Variants in XKR6 observed in about 807,000 individuals in gnomAD.
The protein encoded by XKR6 is XK-related protein 6.
XKR6 carries 22 observed loss-of-function variants against 56.7 expected under a neutral mutation model. The ratio of observed to expected loss-of-function variants is 0.39; its 90% CI spans 0.28 to 0.55. XKR6 has a LOEUF of 0.55. XKR6 is among the 20% of genes least tolerant of loss of function. The pLI, the probability that XKR6 is intolerant of heterozygous loss-of-function variation, is 0.66. For synonymous variants in XKR6, 524 were observed against 387.8 expected (o/e 1.35, Z -4.13); for missense variants, 852 against 889.0 (o/e 0.96, Z 0.53).
chr8:10,993,608 T>C (rs982837073), intron 1 of XKR6, among the ~76,000 whole-genome samples: 1 of 152,138 alleles, frequency 6.6e-6, no homozygotes, highest in Non-Finnish European at 1.5e-5. Context: ...GAGGAGCTGG[T>C]ACTAAGCAGG....
intron 1 of XKR6, among the ~76,000 whole-genome samples, chr8:10,990,293 T>C (rs1461211061): frequency 6.6e-6 from 1 of 152,172 alleles, no homozygotes; most frequent in Non-Finnish European, 1.5e-5. Flanking sequence ...CTGTTACTCT[T>C]AGACCAGCAG....
chr8:11,089,893 C>G (rs568780291), intron 1 of XKR6, among the ~76,000 whole-genome samples: 1 of 152,216 alleles, frequency 6.6e-6, no homozygotes, highest in African/African-American at 2.4e-5. Flanking sequence ...TATACTTATT[C>G]ATATGCACAC....
chr8:11,026,671 G>A (rs964303991), intron 1 of XKR6, among the ~76,000 whole-genome samples: 340 of 122,376 alleles, frequency 2.8e-3, no homozygotes, highest in Middle Eastern at 0.018. Context: ...TCTTAATGGC[G>A]TTGCCTACTA....
chr8:11,159,423 C>T (rs567268745), intron 1 of XKR6, among the ~76,000 whole-genome samples: 3 of 152,312 alleles, frequency 2.0e-5, no homozygotes, highest in South Asian at 2.1e-4. Context: ...ACCTAGATCG[C>T]GAGAGAAAAG....
intron 1 of XKR6, among the ~76,000 whole-genome samples, chr8:11,115,068 G>T (rs1256580191): frequency 6.6e-6 from 1 of 152,116 alleles, no homozygotes; most frequent in Non-Finnish European, 1.5e-5. Flanking sequence ...TCTGGGCTAT[G>T]ATGCTAAGGA....
intron 1 of XKR6, among the ~76,000 whole-genome samples, chr8:11,069,986 G>T (rs781695214): frequency 6.6e-6 from 1 of 152,212 alleles, no homozygotes; most frequent in Non-Finnish European, 1.5e-5. Context: ...CCGCCCTTCT[G>T]CAGGCATTTC....
At chr8:11,144,529 C>T (rs1346282960) in intron 1 of XKR6, among the ~76,000 whole-genome samples, 3 of 151,880 alleles carry the variant, frequency 2.0e-5, no homozygotes, top group Admixed American at 6.6e-5. Context: ...CACAGGATGG[C>T]GCTAAGAGCT....
chr8:11,117,876 C>T (rs907827694), intron 1 of XKR6, among the ~76,000 whole-genome samples: 1 of 151,910 alleles, frequency 6.6e-6, no homozygotes, highest in African/African-American at 2.4e-5. Context: ...AAAACAAGAC[C>T]AATAAATACA....
intron 1 of XKR6, among the ~76,000 whole-genome samples, chr8:11,157,542 G>T (rs919632628): frequency 6.6e-6 from 1 of 152,026 alleles, no homozygotes; most frequent in Non-Finnish European, 1.5e-5. Context: ...TAGAGATGCA[G>T]TCTCTCTCTG....
rs376963725 is a variant in XKR6, at chr8:10,990,040, A to C, written c.765-65210T>G. The stretch of plus-strand genomic sequence containing the variant: ...GACACTGCTTCTGCGTGTGATCTAC[A>C]ATAGGTGGTCATTATCTCCCAGACA... On this transcript the variant is annotated intron_variant, in intron 1 of 2. Coordinates refer to ENST00000416569, the MANE Select transcript of XKR6 (RefSeq NM_173683.4). Among the ~76,000 whole-genome samples the C allele has an allele frequency of 2.7e-4, 41 of 152,304 alleles. No individual in the cohort carries two copies. In the South Asian group the frequency reaches 7.3e-3, roughly 27 times the overall value.
intron 1 of XKR6, among the ~76,000 whole-genome samples, chr8:11,055,933 G>A (rs1433250055): frequency 2.0e-4 from 31 of 152,244 alleles, no homozygotes; most frequent in Admixed American, 2.0e-3. Flanking sequence ...TGTGTTCCAG[G>A]CAAACTAATT....
chr8:11,052,357 T>G (rs1056679839), intron 1 of XKR6, among the ~76,000 whole-genome samples: 16 of 152,214 alleles, frequency 1.1e-4, no homozygotes, highest in African/African-American at 3.6e-4. Flanking sequence ...CCAGAGCACT[T>G]GTCATCTGAA....
chr8:10,915,035 A>T (rs1378544323), intron 2 of XKR6, among the ~76,000 whole-genome samples: 2 of 152,232 alleles, frequency 1.3e-5, no homozygotes, highest in Admixed American at 1.3e-4. Flanking sequence ...GTTGAAGACC[A>T]ATAGAGAGCT....
intron 1 of XKR6, among the ~76,000 whole-genome samples, chr8:11,081,671 C>T (rs1172161723): frequency 6.6e-6 from 1 of 152,166 alleles, no homozygotes; most frequent in Non-Finnish European, 1.5e-5. Context: ...AAGTTCTGAT[C>T]ATCAAGTTGA....
At chr8:11,044,556 C>G (rs897837007) in intron 1 of XKR6, among the ~76,000 whole-genome samples, 2 of 152,116 alleles carry the variant, frequency 1.3e-5, no homozygotes, top group Non-Finnish European at 1.5e-5. Flanking sequence ...TACTTTATGG[C>G]AAACACATCT....
chr8:10,967,231 G>C (rs9792334), intron 1 of XKR6, among the ~76,000 whole-genome samples: 152,056 of 152,326 alleles, frequency 1, 75,898 homozygotes, highest in Middle Eastern at 1. Flanking sequence ...ATTTGTGAAA[G>C]CGGTTCACTA....
chr8:10,926,186 C>T (rs1352004975), intron 1 of XKR6, among the ~76,000 whole-genome samples: 3 of 152,202 alleles, frequency 2.0e-5, no homozygotes, highest in African/African-American at 4.8e-5. Flanking sequence ...TCAGGGCTGC[C>T]GGATGGTCTG....
chr8:11,166,411 C>T (rs1258073765), intron 1 of XKR6, among the ~76,000 whole-genome samples: 1 of 151,990 alleles, frequency 6.6e-6, no homozygotes. Context: ...TAAAACCAAA[C>T]CCCCAAGAAC....
chr8:11,098,945 T>C (rs1248215484), intron 1 of XKR6, among the ~76,000 whole-genome samples: 2 of 152,194 alleles, frequency 1.3e-5, no homozygotes, highest in Non-Finnish European at 2.9e-5. Context: ...ATTGAGCTCA[T>C]GTAGGTGTAA....
Sources: gnomAD v4.1 joint callset for allele counts (sites outside exome capture counted in the v4.1 genomes callset) on GRCh38, gnomAD v4.1.1 for gene constraint, MANE v1.5 for transcripts, NCBI Gene and HGNC (gene_info 2026-07-23, HGNC 2026-07-21) for gene names.